The following ESR1 variants were observed in gnomAD, a reference collection of about 807,000 sequenced individuals.
The protein encoded by ESR1 is estrogen receptor.
Under a neutral mutation model 52.7 loss-of-function variants are expected in ESR1, and 12 were observed. That is an observed-to-expected ratio of 0.23 (90% CI 0.15 to 0.37). The LOEUF (loss-of-function observed/expected upper bound fraction) is 0.37. Ranked by LOEUF, ESR1 falls within the 10% of genes least tolerant of loss-of-function variation. ESR1 has a pLI of 1.00. For missense variants in ESR1, 584 were observed against 779.7 expected, an observed-to-expected ratio of 0.75 and a Z score of 2.99; for synonymous variants, 305 against 316.8, an observed-to-expected ratio of 0.96 and a Z score of 0.39.
chr6:151,956,219 T>A (rs1023932224), intron 4 of ESR1, among the ~76,000 whole-genome samples: 1 of 152,220 alleles, frequency 6.6e-6, no homozygotes, highest in African/African-American at 2.4e-5. Context: ...TAGAACGATA[T>A]ATAATCCTTT....
At chr6:151,674,015 CT>C (rs921663316) in intron 1 of ESR1, among the ~76,000 whole-genome samples, 3 of 152,056 alleles carry the variant, frequency 2.0e-5, no homozygotes, top group South Asian at 2.1e-4. Flanking sequence ...GCATCATTTT[CT>C]TTTTTTTAAA....
rs577822730 is a variant in ESR1, at chr6:152,094,235, C to T, written c.1370-150C>T. The T allele has an allele frequency of 4.0e-5, 31 of 778,256 alleles. No homozygotes were observed. The highest frequency in any genetic ancestry group is 1.7e-4 in the East Asian group (7 of 40,974). 48.2% of individuals were successfully genotyped at this position (778,256 alleles called of 1,614,324 possible). On this transcript the variant is annotated intron_variant, in intron 6 of 7. Transcript: ENST00000206249. This position sits in a 1 kb window ranked among gnomAD's most constrained non-coding sequence, Gnocchi z 4.6. ...GCATTAGGAATTTTACACTGTAACC[C>T]GGTTTTAAATGGGTCCAGAGCATCC...
intron 2 of ESR1, among the ~76,000 whole-genome samples, chr6:151,709,408 C>T (rs1001023260): frequency 6.6e-6 from 1 of 152,170 alleles, no homozygotes; most frequent in Non-Finnish European, 1.5e-5. Context: ...ATTGATTCTA[C>T]ATCTTGGCTA....
chr6:151,862,752 T>C (rs1789115214), intron 2 of ESR1, among the ~76,000 whole-genome samples: 1 of 152,144 alleles, frequency 6.6e-6, no homozygotes, highest in African/African-American at 2.4e-5. Context: ...CTTTTTCCTA[T>C]TCTGTGTGAA....
intron 3 of ESR1, among the ~76,000 whole-genome samples, chr6:151,894,320 TA>T (rs1356370975): frequency 2.0e-5 from 3 of 152,146 alleles, no homozygotes; most frequent in Non-Finnish European, 4.4e-5. Flanking sequence ...ATGTATAGAT[TA>T]TGTCTCCTTC....
In ESR1 at chr6:151,934,282, A is replaced by G. The variant is rs1468870627; in HGVS notation, c.761-9891A>G. Among the ~76,000 whole-genome samples, 4 of 152,066 alleles carry G rather than the reference A, an allele frequency of 2.6e-5. No homozygotes were observed. The East Asian group carries it at 7.7e-4, about 29-fold the overall frequency. On this transcript the variant is annotated intron_variant, in intron 3 of 7. Coordinates refer to ENST00000206249, the MANE Select transcript of ESR1 (RefSeq NM_000125.4). ...TAAACACCCTCTCCACCTGCTTTCC[A>G]CTTTGTTTTTTCCCCTAGCACTTAC... is the stretch of plus-strand genomic sequence containing the variant.
Position 151,892,993 on chromosome 6 carries a change from A to T in ESR1, c.760+12222A>T, listed in dbSNP as rs530912669. Among the ~76,000 whole-genome samples the T allele has an allele frequency of 2.0e-5, 3 of 152,358 alleles. No individual in the cohort carries two copies. The South Asian group carries it at 6.2e-4, about 32-fold the overall frequency. ...CACTTGAGATCAGAAGTTCCAGAGC[A>T]GCCTGGCTAACATGGTGAAACCCCG... On this transcript the variant is annotated intron_variant, in intron 3 of 7. Transcript: ENST00000206249.
chr6:152,009,774 G>A (rs2042618133), intron 4 of ESR1, among the ~76,000 whole-genome samples: 2 of 152,076 alleles, frequency 1.3e-5, no homozygotes, highest in Admixed American at 6.6e-5. Flanking sequence ...TCAAAAACTT[G>A]TAAATAAATT....
intron 3 of ESR1, among the ~76,000 whole-genome samples, chr6:151,899,463 GGCC>G (rs1796238458): frequency 1.4e-5 from 2 of 142,618 alleles, no homozygotes; most frequent in African/African-American, 5.3e-5. Context: ...CTGGGCAGCT[GGCC>G]AGGCGGGGGG....
intron 4 of ESR1, among the ~76,000 whole-genome samples, chr6:151,977,777 A>G (rs1462822631): frequency 2.0e-5 from 3 of 151,994 alleles, no homozygotes; most frequent in Admixed American, 2.0e-4. Context: ...CCTGGGCAAC[A>G]GAGTGAGACA....
intron 5 of ESR1, among the ~76,000 whole-genome samples, chr6:152,055,328 C>T (rs1477666310): frequency 6.6e-6 from 1 of 152,252 alleles, no homozygotes; most frequent in East Asian, 1.9e-4. Flanking sequence ...CACTTTTCCT[C>T]ATGTCCTCGC....
At chr6:151,664,293 A>C (rs1457091748) in intron 1 of ESR1, among the ~76,000 whole-genome samples, 1 of 152,232 alleles carries the variant, frequency 6.6e-6, no homozygotes, top group Non-Finnish European at 1.5e-5. Context: ...AAAAGCAGAT[A>C]AACAAGGATA....
intron 5 of ESR1, among the ~76,000 whole-genome samples, chr6:152,025,589 C>T (rs999280983): frequency 3.3e-5 from 5 of 151,652 alleles, no homozygotes; most frequent in South Asian, 2.1e-4. Flanking sequence ...TTACTTTGAC[C>T]GTATAATTTA....
At chr6:152,001,926 G>A (rs1426353607) in intron 4 of ESR1, among the ~76,000 whole-genome samples, 2 of 151,970 alleles carry the variant, frequency 1.3e-5, no homozygotes, top group African/African-American at 4.8e-5. Flanking sequence ...GGACCCCAAA[G>A]GGCTCCTGAC....
intron 3 of ESR1, among the ~76,000 whole-genome samples, chr6:151,892,843 C>G (rs1013919110): frequency 6.6e-6 from 1 of 152,134 alleles, no homozygotes; most frequent in Admixed American, 6.5e-5. Context: ...AAATATATGT[C>G]AGCCTTAAGA....
At chr6:151,809,171 G>C in intron 1 of ESR1, 1 of 451,894 alleles carries the variant, frequency 2.2e-6, no homozygotes, top group Non-Finnish European at 4.7e-6. Context: ...ATGCCCCGGA[G>C]TGGCGTGCGG....
At chr6:151,774,869 ATAAC>A (rs1300340391) in intron 2 of ESR1, among the ~76,000 whole-genome samples, 3 of 152,214 alleles carry the variant, frequency 2.0e-5, no homozygotes, top group South Asian at 2.1e-4. Context: ...CATTATATAA[ATAAC>A]TAACTATAAA....
At chr6:152,042,400 G>A (rs2045883168) in intron 5 of ESR1, among the ~76,000 whole-genome samples, 1 of 152,098 alleles carries the variant, frequency 6.6e-6, no homozygotes, top group African/African-American at 2.4e-5. Flanking sequence ...GTGATGTTTT[G>A]GGTCCCCTGG....
At chr6:151,760,982 C>T (rs973303002) in intron 2 of ESR1, among the ~76,000 whole-genome samples, 12 of 152,108 alleles carry the variant, frequency 7.9e-5, no homozygotes, top group African/African-American at 2.9e-4. Context: ...TTTCAGTACA[C>T]ATTTCATGGA....
Sources: allele counts gnomAD v4.1 joint callset (sites outside exome capture counted in the v4.1 genomes callset), GRCh38; gene constraint gnomAD v4.1.1; non-coding constraint Gnocchi (gnomAD v3.1); transcripts MANE v1.5; gene names NCBI Gene and HGNC (gene_info 2026-07-23, HGNC 2026-07-21).